CFAP91: variants seen among roughly 807,000 people sequenced by gnomAD.
CFAP91 encodes the protein cilia and flagella associated protein 91.
Under a neutral mutation model 95.9 loss-of-function variants are expected in CFAP91, and 85 were observed. The ratio of observed to expected loss-of-function variants is 0.89; its 90% CI spans 0.74 to 1.06. The LOEUF (loss-of-function observed/expected upper bound fraction) is 1.06. CFAP91 is among the 50% of genes least tolerant of loss of function. The pLI, the probability that CFAP91 is intolerant of heterozygous loss-of-function variation, is 0.00. For synonymous variants in CFAP91, 335 were observed against 327.5 expected (o/e 1.02, Z -0.25); for missense variants, 962 against 943.4 (o/e 1.02, Z -0.26).
chr3:119,717,764 T>C (rs970445415), intron 6 of CFAP91, among the ~76,000 whole-genome samples: 7 of 152,176 alleles, frequency 4.6e-5, no homozygotes, highest in African/African-American at 9.7e-5. Flanking sequence ...TTCTTCTCAA[T>C]GTTCACACAT....
At chr3:119,743,711 A>G (rs1177855429) in intron 13 of CFAP91, among the ~76,000 whole-genome samples, 4 of 152,250 alleles carry the variant, frequency 2.6e-5, no homozygotes, top group Non-Finnish European at 5.9e-5. Flanking sequence ...CATGGTCACT[A>G]ACAGAAACGT....
intron 6 of CFAP91, chr3:119,716,081 C>T: frequency 2.0e-6 from 1 of 492,398 alleles, no homozygotes; most frequent in Non-Finnish European, 3.6e-6. Flanking sequence ...TAAACATAAG[C>T]TTTGAGTGTA....
At chr3:119,708,773 G>A in intron 4 of CFAP91, 99 bp downstream of exon 4, 1 of 707,268 alleles carries the variant, frequency 1.4e-6, no homozygotes, top group Non-Finnish European at 2.4e-6. Flanking sequence ...CATACAACGT[G>A]CCAGACTCTA....
chr3:119,712,011 A>G (rs962504776), intron 5 of CFAP91, among the ~76,000 whole-genome samples: 1 of 152,174 alleles, frequency 6.6e-6, no homozygotes, highest in Non-Finnish European at 1.5e-5. Flanking sequence ...CCTGGATAGA[A>G]CACATAGAGC....
At chr3:119,708,744 T>A in intron 4 of CFAP91, 70 bp downstream of exon 4, 1 of 947,426 alleles carries the variant, frequency 1.1e-6, no homozygotes, top group Non-Finnish European at 1.6e-6. Context: ...ATAATAATAA[T>A]AGTTATCATT....
In CFAP91 at chr3:119,766,415, AC is replaced by A. The variant is rs2054629366; in HGVS notation, c.*1366del. 1 of 152,168 alleles carries A rather than the reference AC, an allele frequency of 6.6e-6. No homozygotes were observed. The highest frequency in any genetic ancestry group is 1.5e-5 in the Non-Finnish European group (1 of 68,044). 9.4% of individuals were successfully genotyped at this position (152,168 alleles called of 1,614,324 possible). On this transcript the variant is annotated 3_prime_UTR_variant, in exon 18 of 18. Transcript: ENST00000273390. Reference sequence around the variant, plus strand: ...ACACCTTTTTTTCCCCCTGAGGATCACTGACAAAAAACACTGCACCAGTAAG... The same window carrying A: ...ACACCTTTTTTTCCCCCTGAGGATCATGACAAAAAACACTGCACCAGTAAG...
At chr3:119,708,962 T>C (rs954064663) in intron 4 of CFAP91, among the ~76,000 whole-genome samples, 12 of 152,172 alleles carry the variant, frequency 7.9e-5, no homozygotes, top group Non-Finnish European at 8.8e-5. Context: ...TGCCTGACTT[T>C]AGAGATACTG....
chr3:119,707,084 A>G lies in CFAP91; in HGVS notation c.201+199A>G, dbSNP rs951672822. ...GAGGATTAAGTCACCAATAATGAACAGAGAACCCATAAGCTAATTTATTTC... is the reference window on the plus strand; with the variant it reads ...GAGGATTAAGTCACCAATAATGAACGGAGAACCCATAAGCTAATTTATTTC... On this transcript the variant is annotated intron_variant, in intron 2 of 17. Coordinates refer to ENST00000273390, the MANE Select transcript of CFAP91 (RefSeq NM_033364.4). 10 of 570,726 alleles carry G rather than the reference A, an allele frequency of 1.8e-5. No individual in the cohort carries two copies. The African/African-American group carries it at 1.9e-4, about 11-fold the overall frequency. The allele number at this position is 570,726 out of a possible 1,614,324, so 35.4% of individuals were successfully genotyped here.
chr3:119,715,515 A>G (rs780540554), intron 5 of CFAP91, 47 bp from the exon 6 acceptor site: 23 of 1,449,010 alleles, frequency 1.6e-5, no homozygotes, highest in Non-Finnish European at 2.1e-5. Context: ...TAATATTTTA[A>G]GTGACCATAA....
rs2054070496 is a variant in CFAP91, at chr3:119,739,286, A to G, written c.1493A>G (p.Tyr498Cys). 2 of 1,614,186 alleles carry G rather than the reference A, an allele frequency of 1.2e-6. No homozygotes were observed. The highest frequency in any genetic ancestry group is 1.3e-5 in the African/African-American group (1 of 75,052). Residue 498 changes from tyrosine (Y) to cysteine (C), a missense_variant, in exon 12 of 18, where the codon TAC (tyrosine) becomes TGC (cysteine). Tyr to Cys is a radical substitution (Grantham distance 194). Transcript: ENST00000273390. ...GAAGAAATGGAAATGGCTGTGATCT[A>G]CCTTCAAAAGTTACTCCGGGGCAGA... The part of the protein sequence containing the change: ...EEEEMEMAVI[Y>C]LQKLLRGRVV...
At chr3:119,706,921 A>G (rs757549441) in intron 2 of CFAP91, 36 bp downstream of exon 2, 1 of 1,516,360 alleles carries the variant, frequency 6.6e-7, no homozygotes, top group East Asian at 2.3e-5. Context: ...TACCTGATGA[A>G]CCTGAACCAT....
At chr3:119,730,889 A>G (rs2053884699) in intron 8 of CFAP91, among the ~76,000 whole-genome samples, 1 of 152,142 alleles carries the variant, frequency 6.6e-6, no homozygotes, top group Non-Finnish European at 1.5e-5. Flanking sequence ...TATTATTTTT[A>G]TTCACTGCAA....
At position 119,740,546 on chromosome 3, in the gene CFAP91, C is replaced by A. The variant is rs772481598; in HGVS notation, c.1534-3C>A. The A allele has an allele frequency of 1.2e-6, 2 of 1,612,470 alleles. No individual in the cohort carries two copies. The highest frequency in any genetic ancestry group is 1.7e-6 in the Non-Finnish European group (2 of 1,179,456). Reference sequence around the variant, plus strand: ...GGTCTGTCTTTGATTTGATTTGATACAGATGTTTGAAGGGAAAGAAAAGCG... The same window carrying A: ...GGTCTGTCTTTGATTTGATTTGATAAAGATGTTTGAAGGGAAAGAAAAGCG... On this transcript the variant is annotated splice_polypyrimidine_tract_variant and splice_region_variant and intron_variant, in intron 12 of 17. Transcript: ENST00000273390.
Position 119,744,074 on chromosome 3 carries a change from A to G in CFAP91, c.1780A>G (p.Arg594Gly), listed in dbSNP as rs768829854. The G allele has an allele frequency of 6.8e-6, 11 of 1,614,216 alleles. No individual in the cohort carries two copies. The highest frequency in any genetic ancestry group is 2.2e-5 in the East Asian group (1 of 44,888). The change falls in exon 14 of 18, where the codon AGG becomes GGG. Residue 594 changes from arginine to glycine, a missense_variant. Transcript: ENST00000273390. ...SKELVRLQEE[R>G]RIHAFVMLAE... Reference sequence around the variant, plus strand: ...AGAGCTGGTGAGACTGCAGGAGGAGAGGAGGATCCATGCCTTTGTCATGCT... The same window carrying G: ...AGAGCTGGTGAGACTGCAGGAGGAGGGGAGGATCCATGCCTTTGTCATGCT...
At position 119,703,355 on chromosome 3, in the gene CFAP91, C is replaced by A. The variant is rs1034783308; in HGVS notation, c.124+133C>A. The A allele has an allele frequency of 6.3e-6, 9 of 1,429,882 alleles. No individual in the cohort carries two copies. The African/African-American group carries it at 1.3e-4, about 20-fold the overall frequency. The allele number at this position is 1,429,882 out of a possible 1,614,324, so 88.6% of individuals were successfully genotyped here. A position where few individuals can be genotyped will look rare whatever the true frequency, so the allele number is the denominator to read the frequency against. On this transcript the variant is annotated intron_variant, in intron 1 of 17. Transcript: ENST00000273390. ...GGACTGACCTCTTGCCCACGGTTGT[C>A]CTTGGTCGGGTGGGGGCAGCTCCGA...
intron 6 of CFAP91, among the ~76,000 whole-genome samples, chr3:119,722,176 C>CT (rs1051327054): frequency 3.0e-5 from 3 of 101,034 alleles, no homozygotes; most frequent in African/African-American, 9.3e-5. Flanking sequence ...GACCCTGTCT[C>CT]TAAAAAAAAA....
rs374047605 is a variant in CFAP91 at position 119,715,553 on chromosome 3, C to G, written c.501-9C>G. 1.9e-6 allele frequency: 3 copies of G among 1,611,392 alleles called. No homozygotes were observed. The South Asian group carries it at 3.3e-5, about 18-fold the overall frequency. ...GGTTTCAATTTTTAAACTGATTTTTCTCTTTTAGGGCAGAACCATACACTT... is the reference window on the plus strand; with the variant it reads ...GGTTTCAATTTTTAAACTGATTTTTGTCTTTTAGGGCAGAACCATACACTT... On this transcript the variant is annotated splice_polypyrimidine_tract_variant and intron_variant, in intron 5 of 17. Transcript: ENST00000273390.
chr3:119,740,490 A>G (rs1408718348), intron 12 of CFAP91, 59 bp from the exon 13 acceptor site: 2 of 1,565,438 alleles, frequency 1.3e-6, no homozygotes, highest in Non-Finnish European at 8.7e-7. Flanking sequence ...TGTGACTCCT[A>G]GTGCTTGGCA....
At chr3:119,733,275 T>C in intron 9 of CFAP91, 89 bp from the exon 10 acceptor site, 4 of 1,392,798 alleles carry the variant, frequency 2.9e-6, no homozygotes, top group Non-Finnish European at 3.9e-6. Flanking sequence ...ATGAAACTGC[T>C]TGGCAAACAG....
Sources: gnomAD v4.1 joint callset for allele counts (sites outside exome capture counted in the v4.1 genomes callset) on GRCh38, gnomAD v4.1.1 for gene constraint, MANE v1.5 for transcripts, NCBI Gene and HGNC (gene_info 2026-07-23, HGNC 2026-07-21) for gene names.